Variants in SCAPER observed in about 807,000 individuals in gnomAD.
SCAPER encodes S-phase cyclin A associated protein in the ER.
SCAPER carries 98 observed loss-of-function variants against 182.2 expected under a neutral mutation model. The ratio of observed to expected loss-of-function variants is 0.54; its 90% CI spans 0.46 to 0.64. The LOEUF (loss-of-function observed/expected upper bound fraction) is 0.64. SCAPER is among the 30% of genes least tolerant of loss of function. SCAPER has a pLI of 0.00. For synonymous variants in SCAPER, 605 were observed against 564.6 expected (o/e 1.07, Z -1.01); for missense variants, 1,432 against 1,690.0 (o/e 0.85, Z 2.68).
At chr15:76,703,735 G>C (rs969845138) in intron 18 of SCAPER, among the ~76,000 whole-genome samples, 5 of 152,132 alleles carry the variant, frequency 3.3e-5, no homozygotes, top group Admixed American at 2.0e-4. Context: ...TTTCATGTAT[G>C]CCTCTCTTTA....
chr15:76,408,767 T>C (rs192536958), intron 26 of SCAPER, among the ~76,000 whole-genome samples: 10 of 151,928 alleles, frequency 6.6e-5, no homozygotes, highest in Admixed American at 1.3e-4. Flanking sequence ...AAGAGGGTCC[T>C]TTGCACTGAA....
intron 22 of SCAPER, among the ~76,000 whole-genome samples, chr15:76,606,441 G>C (rs908072196): frequency 5.3e-5 from 8 of 152,172 alleles, no homozygotes; most frequent in Non-Finnish European, 7.3e-5. Flanking sequence ...TTCCAACTAT[G>C]TGGTCAATTT....
chr15:76,898,220 A>G (rs1401057897), intron 1 of SCAPER, among the ~76,000 whole-genome samples: 1 of 152,214 alleles, frequency 6.6e-6, no homozygotes, highest in East Asian at 1.9e-4. Context: ...CTTCGTACCC[A>G]CCAAGATGTC....
At chr15:76,735,453 T>G (rs755802895) in intron 15 of SCAPER, among the ~76,000 whole-genome samples, 3 of 151,750 alleles carry the variant, frequency 2.0e-5, no homozygotes, top group Non-Finnish European at 4.4e-5. Context: ...ATCCCAGTAC[T>G]TTGGGAGGCC....
chr15:76,682,407 C>A (rs2057775533), intron 20 of SCAPER, among the ~76,000 whole-genome samples: 1 of 152,056 alleles, frequency 6.6e-6, no homozygotes, highest in Non-Finnish European at 1.5e-5. Context: ...TGCACACAGA[C>A]ATTGGCGGCC....
At chr15:76,653,373 T>C (rs1035143330) in intron 21 of SCAPER, among the ~76,000 whole-genome samples, 1 of 152,118 alleles carries the variant, frequency 6.6e-6, no homozygotes, top group Non-Finnish European at 1.5e-5. Flanking sequence ...GATTCTAAAA[T>C]TCATATGGAA....
At chr15:76,603,779 C>G (rs1455061181) in intron 22 of SCAPER, among the ~76,000 whole-genome samples, 2 of 122,140 alleles carry the variant, frequency 1.6e-5, no homozygotes, top group South Asian at 2.5e-4. Context: ...CTCTGATGGA[C>G]AGTGATGATG....
At chr15:76,371,929 T>A (rs9744843) in intron 29 of SCAPER, among the ~76,000 whole-genome samples, 15,468 of 151,312 alleles carry the variant, frequency 0.1, 931 homozygotes, top group African/African-American at 0.17. Context: ...AAAAAAAAAA[T>A]AAATAAATAT....
intron 20 of SCAPER, among the ~76,000 whole-genome samples, chr15:76,701,418 CTCT>C (rs1286756454): frequency 1.3e-5 from 2 of 151,974 alleles, no homozygotes; most frequent in Non-Finnish European, 2.9e-5. Flanking sequence ...CAAAATTATC[CTCT>C]TAAGTGAAAT....
At chr15:76,512,961 A>G (rs1172490235) in intron 23 of SCAPER, among the ~76,000 whole-genome samples, 1 of 152,044 alleles carries the variant, frequency 6.6e-6, no homozygotes, top group Non-Finnish European at 1.5e-5. Context: ...GGTTATGTGT[A>G]CTTCTGGATT....
chr15:76,395,780 TTC>T (rs1307973442), intron 27 of SCAPER, among the ~76,000 whole-genome samples: 1 of 152,216 alleles, frequency 6.6e-6, no homozygotes, highest in African/African-American at 2.4e-5. Context: ...TGCAAATATT[TTC>T]TCTCTTCTGT....
chr15:76,418,176 T>C (rs972749121), intron 26 of SCAPER, among the ~76,000 whole-genome samples: 1 of 152,086 alleles, frequency 6.6e-6, no homozygotes, highest in Non-Finnish European at 1.5e-5. Flanking sequence ...AAGAAGTACA[T>C]TGGATAATAC....
At chr15:76,704,316 CTTTAG>C (rs2059126929) in intron 18 of SCAPER, among the ~76,000 whole-genome samples, 1 of 152,126 alleles carries the variant, frequency 6.6e-6, no homozygotes, top group Non-Finnish European at 1.5e-5. Flanking sequence ...TGCAGAAGCT[CTTTAG>C]TTTAATTAGA....
intron 1 of SCAPER, among the ~76,000 whole-genome samples, chr15:76,894,017 G>A (rs975493176): frequency 1.3e-4 from 20 of 152,264 alleles, no homozygotes; most frequent in South Asian, 8.3e-4. Flanking sequence ...TTGGGAGGCC[G>A]AGGCGGGCGG....
Position 76,377,031 on chromosome 15 carries a change from G to C in SCAPER, c.3706-720C>G, listed in dbSNP as rs1264585777. ...TGTCAAACAGACAGAGCGACAGGAGGGCAAAGGGGAGAGGCGAAGCCCACA... is the reference window on the plus strand; with the variant it reads ...TGTCAAACAGACAGAGCGACAGGAGCGCAAAGGGGAGAGGCGAAGCCCACA... On this transcript the variant is annotated intron_variant, in intron 28 of 31. Transcript: ENST00000563290. Among the ~76,000 whole-genome samples the C allele has an allele frequency of 3.3e-5, 5 of 152,146 alleles. No homozygotes were observed. In the East Asian group the frequency reaches 7.7e-4, roughly 23 times the overall value.
intron 27 of SCAPER, among the ~76,000 whole-genome samples, chr15:76,389,280 C>T (rs1249270532): frequency 1.3e-5 from 2 of 151,520 alleles, no homozygotes; most frequent in Non-Finnish European, 2.9e-5. Context: ...GTGGGCGGAT[C>T]ACCTGAGGTC....
chr15:76,369,234 A>G (rs1276031190), intron 29 of SCAPER, among the ~76,000 whole-genome samples: 2 of 152,244 alleles, frequency 1.3e-5, no homozygotes, highest in Non-Finnish European at 1.5e-5. Context: ...CCTGTCTTAT[A>G]AAGACACAAG....
intron 24 of SCAPER, among the ~76,000 whole-genome samples, chr15:76,473,146 A>T (rs1309015399): frequency 6.6e-6 from 1 of 152,208 alleles, no homozygotes; most frequent in Non-Finnish European, 1.5e-5. Context: ...CTGTTAAACA[A>T]TATGCTAAAG....
At chr15:76,887,184 G>A (rs182191939) in intron 1 of SCAPER, among the ~76,000 whole-genome samples, 36 of 152,268 alleles carry the variant, frequency 2.4e-4, no homozygotes, top group African/African-American at 7.9e-4. Flanking sequence ...GTCTGAGTCC[G>A]TTCCAAGATG....
Sources: allele counts gnomAD v4.1 joint callset (sites outside exome capture counted in the v4.1 genomes callset), GRCh38; gene constraint gnomAD v4.1.1; transcripts MANE v1.5; gene names NCBI Gene and HGNC (gene_info 2026-07-23, HGNC 2026-07-21).